DDX39B: variants seen among roughly 807,000 people sequenced by gnomAD.
The protein encoded by DDX39B is spliceosome RNA helicase DDX39B.
Under a neutral mutation model 46.4 loss-of-function variants are expected in DDX39B, and 6 were observed. The ratio of observed to expected loss-of-function variants is 0.13; its 90% CI spans 0.07 to 0.26. DDX39B has a LOEUF of 0.26. DDX39B is among the 10% of genes least tolerant of loss of function. The pLI is 1.00. For missense variants in DDX39B, 185 were observed against 553.4 expected (o/e 0.33, Z 6.68); for synonymous variants, 174 against 199.4 (o/e 0.87, Z 1.07).
At chr6:31,533,088 A>G in intron 6 of DDX39B, 177 bp from the exon 7 acceptor site, 1 of 541,288 alleles carries the variant, frequency 1.8e-6, no homozygotes, top group Non-Finnish European at 3.4e-6. Context: ...TCTCTCTCAC[A>G]TTACATCTAA....
intron 1 of DDX39B, chr6:31,541,006 G>A: frequency 1.6e-5 from 7 of 451,146 alleles, no homozygotes; most frequent in South Asian, 1.1e-4. Flanking sequence ...TAGTAAAGTG[G>A]AAAATGGAGA....
At chr6:31,541,115 G>A in intron 1 of DDX39B, 1 of 533,584 alleles carries the variant, frequency 1.9e-6, no homozygotes, top group Non-Finnish European at 3.8e-6. Context: ...ATCAGTCAAG[G>A]GTGATAGATG....
At chr6:31,541,577 AG>A (rs1274860627) in intron 1 of DDX39B, 5 of 463,618 alleles carry the variant, frequency 1.1e-5, no homozygotes, top group Non-Finnish European at 8.9e-6. Flanking sequence ...CCGAGGGCCG[AG>A]AAAGAGCTCA....
rs1582948225 is a variant in DDX39B at position 31,535,900 on chromosome 6, C to T, written c.617-415G>A. On this transcript the variant is annotated intron_variant, in intron 5 of 10. Coordinates refer to ENST00000396172, the MANE Select transcript of DDX39B (RefSeq NM_004640.7). The surrounding 1 kb of genome is among the most constrained non-coding windows in gnomAD (Gnocchi z 4.6). Reference sequence around the variant, plus strand: ...TATCAAGTCAGGCAAATATGACATCCCTACCTGGAGCCCACCTTTATAGCT... The same window carrying T: ...TATCAAGTCAGGCAAATATGACATCTCTACCTGGAGCCCACCTTTATAGCT... Among the ~76,000 whole-genome samples the T allele has an allele frequency of 6.6e-6, 1 of 152,274 alleles. No homozygotes were observed. Among genetic ancestry groups the T allele is most frequent in the East Asian group, 1.9e-4 (1 of 5,190 alleles).
rs914309489 is a variant in DDX39B at position 31,534,861 on chromosome 6, G to A, written c.735+506C>T. On this transcript the variant is annotated intron_variant, in intron 6 of 10. Coordinates refer to ENST00000396172, the MANE Select transcript of DDX39B (RefSeq NM_004640.7). The surrounding 1 kb of genome is among the most constrained non-coding windows in gnomAD (Gnocchi z 5.1). ...GTGCCAAAGGCCCCCACCCCTGGAG[G>A]TGGGGAAGGGGAGGATTCATTTGTG... The A allele has an allele frequency of 7.5e-6, 2 of 266,516 alleles. No homozygotes were observed. Among genetic ancestry groups the A allele is most frequent in the Non-Finnish European group, 1.5e-5 (2 of 133,626 alleles). 16.5% of individuals were successfully genotyped at this position (266,516 alleles called of 1,614,324 possible).
chr6:31,536,218 A>T (rs553704100), intron 5 of DDX39B, among the ~76,000 whole-genome samples: 102 of 152,324 alleles, frequency 6.7e-4, no homozygotes, highest in African/African-American at 2.1e-3. Context: ...CCAGTATATG[A>T]ATCTATAATG....
intron 4 of DDX39B, among the ~76,000 whole-genome samples, chr6:31,537,387 C>G (rs976566904): frequency 6.6e-6 from 1 of 151,970 alleles, no homozygotes; most frequent in African/African-American, 2.4e-5. Flanking sequence ...GATTGAGCCA[C>G]TGTACTCCAG....
In DDX39B at chr6:31,535,893, T is replaced by C. The variant is rs772062206; in HGVS notation, c.617-408A>G. On this transcript the variant is annotated intron_variant, in intron 5 of 10. Coordinates refer to ENST00000396172, the MANE Select transcript of DDX39B (RefSeq NM_004640.7). This position sits in a 1 kb window ranked among gnomAD's most constrained non-coding sequence, Gnocchi z 4.6. ...ACTTTTCTATCAAGTCAGGCAAATA[T>C]GACATCCCTACCTGGAGCCCACCTT... 6.6e-6 allele frequency among the ~76,000 whole-genome samples: 1 copy of C among 152,192 alleles called. No homozygotes were observed. Among genetic ancestry groups the C allele is most frequent in the Non-Finnish European group, 1.5e-5 (1 of 68,036 alleles).
intron 7 of DDX39B, 162 bp downstream of exon 7, chr6:31,532,618 G>A: frequency 1.2e-6 from 1 of 845,932 alleles, no homozygotes; most frequent in South Asian, 1.8e-5. Flanking sequence ...TAGAAAAGCA[G>A]CTCCCACCTT....
At chr6:31,541,856 C>T (rs1472843940) in intron 1 of DDX39B, 94 bp downstream of exon 1, 6 of 638,090 alleles carry the variant, frequency 9.4e-6, no homozygotes, top group African/African-American at 5.5e-5. Flanking sequence ...GCGACCAGAC[C>T]ATCGCCTGTG....
chr6:31,537,897 G>A (rs962995887), intron 4 of DDX39B, among the ~76,000 whole-genome samples: 2 of 152,036 alleles, frequency 1.3e-5, no homozygotes, highest in Non-Finnish European at 2.9e-5. Context: ...AATTAGCCAG[G>A]CATGATGGCA....
rs767114483 is a variant in DDX39B at position 31,532,916 on chromosome 6, G to T, written c.736-5C>A. ...ATCCACGAAGATCTCCATTGGCTGGGGGGGAGGAAGGGGGTGGGGAACGGG... is the reference window on the plus strand; with the variant it reads ...ATCCACGAAGATCTCCATTGGCTGGTGGGGAGGAAGGGGGTGGGGAACGGG... On this transcript the variant is annotated splice_polypyrimidine_tract_variant and splice_region_variant and intron_variant, in intron 6 of 10. Transcript: ENST00000396172. 7.0e-6 allele frequency: 10 copies of T among 1,435,872 alleles called. No homozygotes were observed. Among genetic ancestry groups the T allele is most frequent in the Admixed American group, 1.8e-5 (1 of 55,262 alleles). The allele number at this position is 1,435,872 out of a possible 1,614,324, so 88.9% of individuals were successfully genotyped here.
At position 31,535,048 on chromosome 6, in the gene DDX39B, G is replaced by T; in HGVS notation, c.735+319C>A. 1 of 421,934 alleles carries T rather than the reference G, an allele frequency of 2.4e-6. No homozygotes were observed. Among genetic ancestry groups the T allele is most frequent in the African/African-American group, 2.0e-5 (1 of 49,996 alleles). 26.1% of individuals were successfully genotyped at this position (421,934 alleles called of 1,614,324 possible). A position where few individuals can be genotyped will look rare whatever the true frequency, so the allele number is the denominator to read the frequency against. ...GGGTGCATGTAAGAGACGATGGATGGGTGGGTGGTAGGGCAGAAAAATCCT... is the reference window on the plus strand; with the variant it reads ...GGGTGCATGTAAGAGACGATGGATGTGTGGGTGGTAGGGCAGAAAAATCCT... On this transcript the variant is annotated intron_variant, in intron 6 of 10. Coordinates refer to ENST00000396172, the MANE Select transcript of DDX39B (RefSeq NM_004640.7). The surrounding 1 kb of genome is among the most constrained non-coding windows in gnomAD (Gnocchi z 4.6).
chr6:31,536,633 C>T lies in DDX39B; in HGVS notation c.483G>A (p.Leu161=). The part of the protein sequence containing the change: ...GLSIKKDEEV[L]KKNCPHIVVG... ...CGACGATATGCGGGCAGTTCTTCTT[C>T]AGCACCTCTTCATCCTTCTTGATAG... Residue 161 remains leucine (L), a synonymous_variant, in exon 5 of 11, where the codon CTG becomes CTA. Coordinates refer to ENST00000396172, the MANE Select transcript of DDX39B (RefSeq NM_004640.7). 6.2e-7 allele frequency: 1 copy of T among 1,613,212 alleles called. No individual in the cohort carries two copies. Among genetic ancestry groups the T allele is most frequent in the Non-Finnish European group, 8.5e-7 (1 of 1,180,030 alleles).
Position 31,534,958 on chromosome 6 carries a change from G to C in DDX39B, c.735+409C>G, listed in dbSNP as rs6915692. The C allele has an allele frequency of 3.7e-6, 1 of 267,652 alleles. No individual in the cohort carries two copies. Among genetic ancestry groups the C allele is most frequent in the Non-Finnish European group, 7.4e-6 (1 of 135,404 alleles). 16.6% of individuals were successfully genotyped at this position (267,652 alleles called of 1,614,324 possible). On this transcript the variant is annotated intron_variant, in intron 6 of 10. Transcript: ENST00000396172. This position sits in a 1 kb window ranked among gnomAD's most constrained non-coding sequence, Gnocchi z 5.1. The stretch of plus-strand genomic sequence containing the variant: ...CTTGCTCTCCTGCCACCGGGAAGTA[G>C]GAGTTTTGGTGAGCAGAAGGCTCCA...
intron 4 of DDX39B, among the ~76,000 whole-genome samples, chr6:31,538,337 G>C (rs1768014065): frequency 1.3e-5 from 2 of 152,020 alleles, no homozygotes; most frequent in African/African-American, 2.4e-5. Context: ...TGCATTTTTA[G>C]TAGAGAGAGG....
intron 3 of DDX39B, 116 bp from the exon 4 acceptor site, chr6:31,538,971 G>A (rs753604795): frequency 6.8e-7 from 1 of 1,468,776 alleles, no homozygotes; most frequent in Non-Finnish European, 9.5e-7. Context: ...TCAATTATGT[G>A]ATCTAAATCA....
Position 31,534,461 on chromosome 6 carries a change from A to C in DDX39B, c.735+906T>G, listed in dbSNP as rs940383267. On this transcript the variant is annotated intron_variant, in intron 6 of 10. Coordinates refer to ENST00000396172, the MANE Select transcript of DDX39B (RefSeq NM_004640.7). This position sits in a 1 kb window ranked among gnomAD's most constrained non-coding sequence, Gnocchi z 5.1. Reference sequence around the variant, plus strand: ...GCCCCACCTAGCCCCAAACCCTAACAACCACCCGATTACATCCACTTTACC... The same window carrying C: ...GCCCCACCTAGCCCCAAACCCTAACCACCACCCGATTACATCCACTTTACC... The C allele has an allele frequency of 1.3e-5, 6 of 470,764 alleles. No individual in the cohort carries two copies. The highest frequency in any genetic ancestry group is 1.4e-4 in the East Asian group (2 of 14,404). 29.2% of individuals were successfully genotyped at this position (470,764 alleles called of 1,614,324 possible).
In DDX39B at chr6:31,530,359, T is replaced by C. The variant is rs1179107513; in HGVS notation, c.*75A>G. The C allele has an allele frequency of 1.3e-6, 2 of 1,562,952 alleles. No homozygotes were observed. Among genetic ancestry groups the C allele is most frequent in the African/African-American group, 2.7e-5 (2 of 73,964 alleles). The stretch of plus-strand genomic sequence containing the variant: ...TGGGGGCTGTCAGGGGTGGGGGCAG[T>C]AGTGTCTCCTTCACCCCCACCCTGG... On this transcript the variant is annotated 3_prime_UTR_variant, in exon 11 of 11. Transcript: ENST00000396172. This position sits in a 1 kb window ranked among gnomAD's most constrained non-coding sequence, Gnocchi z 4.5.
Sources: allele counts gnomAD v4.1 joint callset (sites outside exome capture counted in the v4.1 genomes callset), GRCh38; gene constraint gnomAD v4.1.1; non-coding constraint Gnocchi (gnomAD v3.1); transcripts MANE v1.5; gene names NCBI Gene and HGNC (gene_info 2026-07-23, HGNC 2026-07-21).